PCNX4: variants seen among roughly 807,000 people sequenced by gnomAD.
PCNX4 encodes pecanex-like protein 4.
A neutral mutation model predicts 107.2 loss-of-function variants in PCNX4; 103 were observed. The ratio of observed to expected loss-of-function variants is 0.96; its 90% CI spans 0.82 to 1.13. The LOEUF (loss-of-function observed/expected upper bound fraction) is 1.13, where lower values mean the gene tolerates loss of function less well. Among genes scored for constraint, PCNX4 ranks in the 50% most tolerant of loss-of-function variants. The pLI is 0.00. For missense variants in PCNX4, 1,528 were observed against 1,379.4 expected, an observed-to-expected ratio of 1.11 and a Z score of -1.71; for synonymous variants, 541 against 481.7, an observed-to-expected ratio of 1.12 and a Z score of -1.61.
At chr14:60,113,187 A>C (rs1183496234) in intron 2 of PCNX4, among the ~76,000 whole-genome samples, 2 of 152,238 alleles carry the variant, frequency 1.3e-5, no homozygotes, top group Non-Finnish European at 2.9e-5. Flanking sequence ...CTCAAAAACA[A>C]AACAAATTTG....
rs1336404870 is a variant in PCNX4, at chr14:60,144,136, A to C, written c.*9915A>C. On this transcript the variant is annotated 3_prime_UTR_variant, in exon 11 of 11. Transcript: ENST00000406854. ...CACTCCAGTACAGTAGAAGACATAC[A>C]ACAGGTGTTTAATGAATAATAGGTG... 2.6e-5 allele frequency: 4 copies of C among 152,266 alleles called. No homozygotes were observed. Among genetic ancestry groups the C allele is most frequent in the Non-Finnish European group, 2.9e-5 (2 of 68,074 alleles). 9.4% of individuals were successfully genotyped at this position (152,266 alleles called of 1,614,324 possible).
At position 60,133,679 on chromosome 14, in the gene PCNX4, G is replaced by A. The variant is rs1896194690; in HGVS notation, c.3268-291G>A. ...AGTATTTATGACTATGCATCGCTGA[G>A]GCAACAGATCAGAAAAGGCAGACAA... On this transcript the variant is annotated intron_variant, in intron 10 of 10. Coordinates refer to ENST00000406854, the MANE Select transcript of PCNX4 (RefSeq NM_001330177.2). The A allele has an allele frequency of 7.1e-6, 4 of 563,764 alleles. No individual in the cohort carries two copies. In the East Asian group the frequency reaches 1.3e-4, roughly 18 times the overall value. 34.9% of individuals were successfully genotyped at this position (563,764 alleles called of 1,614,324 possible).
chr14:60,112,949 C>T (rs1299570566), intron 2 of PCNX4, among the ~76,000 whole-genome samples: 6 of 152,250 alleles, frequency 3.9e-5, no homozygotes, highest in Middle Eastern at 3.4e-3. Context: ...TTTGGGAGGC[C>T]GAGGCAGGCG....
At chr14:60,121,064 G>T (rs2140556871) in intron 7 of PCNX4, 132 bp from the exon 8 acceptor site, 1 of 1,119,558 alleles carries the variant, frequency 8.9e-7, no homozygotes, top group Non-Finnish European at 1.2e-6. Flanking sequence ...TTCTGTTCTT[G>T]ACCTAATGAG....
intron 1 of PCNX4, among the ~76,000 whole-genome samples, chr14:60,106,038 G>A (rs1434774305): frequency 2.6e-5 from 4 of 152,122 alleles, no homozygotes; most frequent in East Asian, 1.9e-4. Context: ...GTGGAATATC[G>A]TACACTGAGC....
chr14:60,129,280 T>C (rs1896112237), intron 10 of PCNX4, among the ~76,000 whole-genome samples: 1 of 145,948 alleles, frequency 6.9e-6, no homozygotes, highest in Admixed American at 6.8e-5. Context: ...AGGCTGGGCA[T>C]GGTAACTTAT....
intron 1 of PCNX4, among the ~76,000 whole-genome samples, chr14:60,100,578 C>T (rs1364507014): frequency 6.6e-6 from 1 of 152,204 alleles, no homozygotes; most frequent in Non-Finnish European, 1.5e-5. Context: ...GGATTACAGG[C>T]ATGAGCCACC....
chr14:60,112,843 C>CACATTGT (rs1555393118), intron 2 of PCNX4, among the ~76,000 whole-genome samples: 2 of 152,190 alleles, frequency 1.3e-5, no homozygotes, highest in Non-Finnish European at 2.9e-5. Flanking sequence ...GTATTGTCCT[C>CACATTGT]TAATTTAACA....
At chr14:60,128,553 G>T (rs1372414253) in intron 10 of PCNX4, among the ~76,000 whole-genome samples, 1 of 152,140 alleles carries the variant, frequency 6.6e-6, no homozygotes, top group African/African-American at 2.4e-5. Flanking sequence ...AACAAAAACA[G>T]AATTTGTTGC....
chr14:60,138,654 T>A lies in PCNX4; in HGVS notation c.*4433T>A, dbSNP rs557916512. 2.6e-5 allele frequency: 4 copies of A among 152,076 alleles called. No individual in the cohort carries two copies. The highest frequency in any genetic ancestry group is 5.9e-5 in the Non-Finnish European group (4 of 68,002). The allele number at this position is 152,076 out of a possible 1,614,324, so 9.4% of individuals were successfully genotyped here. ...TTTCCCCAAAAACAATTCTTAAGAA[T>A]GAAGGCAAAGACACTTTCAAACGCA... On this transcript the variant is annotated 3_prime_UTR_variant, in exon 11 of 11. Coordinates refer to ENST00000406854, the MANE Select transcript of PCNX4 (RefSeq NM_001330177.2).
intron 2 of PCNX4, among the ~76,000 whole-genome samples, chr14:60,111,355 G>A (rs160237): frequency 0.75 from 113,925 of 152,028 alleles, 44,763 homozygotes; most frequent in Non-Finnish European, 0.87. Flanking sequence ...TCACCTAATC[G>A]AAAACGTAAG....
chr14:60,092,805 G>T (rs528122397), intron 1 of PCNX4, among the ~76,000 whole-genome samples: 2 of 152,198 alleles, frequency 1.3e-5, no homozygotes, highest in East Asian at 1.9e-4. Flanking sequence ...AACGTGAAGC[G>T]CTCCTTCCCC....
In PCNX4 at chr14:60,091,985, C is replaced by A. The variant is rs1280088267; in HGVS notation, c.-488C>A. 3 of 152,432 alleles carry A rather than the reference C, an allele frequency of 2.0e-5. No homozygotes were observed. Among genetic ancestry groups the A allele is most frequent in the Non-Finnish European group, 4.4e-5 (3 of 68,196 alleles). The allele number at this position is 152,432 out of a possible 1,614,324, so 9.4% of individuals were successfully genotyped here. A position where few individuals can be genotyped will look rare whatever the true frequency, so the allele number is the denominator to read the frequency against. On this transcript the variant is annotated 5_prime_UTR_variant, in exon 1 of 11. Coordinates refer to ENST00000406854, the MANE Select transcript of PCNX4 (RefSeq NM_001330177.2). ...TCGGCTTTCCCCGCTGCTGCTTCTGCTAGGCCCAGTGCGAGACCAGAGCAC... is the reference window on the plus strand; with the variant it reads ...TCGGCTTTCCCCGCTGCTGCTTCTGATAGGCCCAGTGCGAGACCAGAGCAC...
At chr14:60,104,161 A>C (rs926844342) in intron 1 of PCNX4, among the ~76,000 whole-genome samples, 4 of 152,066 alleles carry the variant, frequency 2.6e-5, no homozygotes, top group African/African-American at 9.7e-5. Context: ...TCCACTAAAA[A>C]TACAAAAATT....
At position 60,126,659 on chromosome 14, in the gene PCNX4, G is replaced by A. The variant is rs548188814; in HGVS notation, c.3267+836G>A. Among the ~76,000 whole-genome samples the A allele has an allele frequency of 4.6e-5, 7 of 152,292 alleles. No individual in the cohort carries two copies. The South Asian group carries it at 1.5e-3, about 32-fold the overall frequency. On this transcript the variant is annotated intron_variant, in intron 10 of 10. Coordinates refer to ENST00000406854, the MANE Select transcript of PCNX4 (RefSeq NM_001330177.2). The stretch of plus-strand genomic sequence containing the variant: ...TCTCTTCTCTGTCAGCTCCCAGTTG[G>A]AGGACTGTTTCCTAGGAAGGGCAGG...
intron 7 of PCNX4, among the ~76,000 whole-genome samples, chr14:60,120,925 TACA>T (rs916854002): frequency 3.9e-5 from 6 of 152,144 alleles, no homozygotes; most frequent in African/African-American, 1.4e-4. Flanking sequence ...TAAGATTGTA[TACA>T]ACAACTTCTA....
Position 60,134,210 on chromosome 14 carries a change from C to A in PCNX4, c.3508C>A (p.His1170Asn). The change falls in exon 11 of 11, where the codon CAT becomes AAT. Residue 1170 changes from histidine to asparagine, a missense_variant. His to Asn is a moderately conservative substitution (Grantham distance 68). Coordinates refer to ENST00000406854, the MANE Select transcript of PCNX4 (RefSeq NM_001330177.2). ...TTATTCTTCAAAACCTCTCCACATA[C>A]ATTTGTATTAGAGCTCATTTTGACT... Reference protein sequence around the residue: ...PIYSSKPLHIHLY With the variant: ...PIYSSKPLHINLY 2 of 1,613,510 alleles carry A rather than the reference C, an allele frequency of 1.2e-6. No homozygotes were observed. Among genetic ancestry groups the A allele is most frequent in the Non-Finnish European group, 8.5e-7 (1 of 1,179,536 alleles).
Position 60,124,715 on chromosome 14 carries a change from T to C in PCNX4, c.2544T>C (p.Gly848=). Residue 848 remains glycine (G), a synonymous_variant, in exon 9 of 11, where the codon GGT becomes GGC. Coordinates refer to ENST00000406854, the MANE Select transcript of PCNX4 (RefSeq NM_001330177.2). ...EEKHQLKDLP[G]TNLFIPGSVE... is the part of the protein sequence containing the mutation. ...AACATCAGTTGAAAGATTTGCCAGG[T>C]ACAAATTTGTTTATTCCAGGATCAG... is the stretch of plus-strand genomic sequence containing the variant. 1.9e-6 allele frequency: 3 copies of C among 1,613,128 alleles called. No homozygotes were observed. Among genetic ancestry groups the C allele is most frequent in the Admixed American group, 1.7e-5 (1 of 60,008 alleles).
At chr14:60,115,546 T>C in intron 4 of PCNX4, 85 bp downstream of exon 4, 1 of 1,441,474 alleles carries the variant, frequency 6.9e-7, no homozygotes, top group Non-Finnish European at 9.3e-7. Flanking sequence ...CATATTTGTG[T>C]GGTATTATAC....
Sources: gnomAD v4.1 joint callset for allele counts (sites outside exome capture counted in the v4.1 genomes callset) on GRCh38, gnomAD v4.1.1 for gene constraint, MANE v1.5 for transcripts, NCBI Gene and HGNC (gene_info 2026-07-23, HGNC 2026-07-21) for gene names.